The following PTH2R variants were observed in gnomAD, a reference collection of about 807,000 sequenced individuals.
PTH2R encodes the protein parathyroid hormone 2 receptor, also known as PTH2 receptor.
A neutral mutation model predicts 60.3 loss-of-function variants in PTH2R; 59 were observed. The observed-to-expected ratio is 0.98, with a 90% CI of 0.79 to 1.22. The LOEUF (loss-of-function observed/expected upper bound fraction) is 1.22, where lower values mean the gene tolerates loss of function less well. PTH2R is among the 50% of genes most tolerant of loss of function. PTH2R has a pLI of 0.00. For synonymous variants in PTH2R, 256 were observed against 243.8 expected (o/e 1.05, Z -0.47); for missense variants, 749 against 682.6 (o/e 1.10, Z -1.08).
intron 2 of PTH2R, among the ~76,000 whole-genome samples, chr2:208,434,838 G>C (rs929916906): frequency 1.3e-5 from 2 of 152,158 alleles, no homozygotes; most frequent in Non-Finnish European, 2.9e-5. Context: ...TAAATGAAAA[G>C]GAAAACATAC....
At chr2:208,447,196 C>A (rs575383681) in intron 7 of PTH2R, among the ~76,000 whole-genome samples, 11 of 151,888 alleles carry the variant, frequency 7.2e-5, no homozygotes, top group African/African-American at 2.7e-4. Context: ...GGTCTTGAAC[C>A]CCTGGCCTCA....
chr2:208,432,713 C>T (rs1401886401), intron 2 of PTH2R, among the ~76,000 whole-genome samples: 1 of 152,112 alleles, frequency 6.6e-6, no homozygotes, highest in Admixed American at 6.5e-5. Flanking sequence ...ACCTGAGAGC[C>T]CCCAGCAAAC....
chr2:208,363,177 C>G (rs1052586148), intron 1 of PTH2R, among the ~76,000 whole-genome samples: 5 of 152,038 alleles, frequency 3.3e-5, no homozygotes, highest in African/African-American at 1.2e-4. Context: ...TCCCCCTTCT[C>G]CCACCCTCCA....
chr2:208,385,616 G>T (rs1278438797), intron 1 of PTH2R, among the ~76,000 whole-genome samples: 4 of 152,150 alleles, frequency 2.6e-5, no homozygotes, highest in African/African-American at 9.7e-5. Context: ...TTCTATCCTG[G>T]ACTGTCATCT....
At chr2:208,450,121 A>T (rs1362570469) in intron 7 of PTH2R, among the ~76,000 whole-genome samples, 1 of 152,230 alleles carries the variant, frequency 6.6e-6, no homozygotes, top group Non-Finnish European at 1.5e-5. Flanking sequence ...TGATGTTACA[A>T]GCCCAGAAGG....
At chr2:208,371,477 C>G (rs762184081) in intron 1 of PTH2R, among the ~76,000 whole-genome samples, 4 of 152,148 alleles carry the variant, frequency 2.6e-5, no homozygotes, top group Non-Finnish European at 5.9e-5. Context: ...TGGGAAGTGA[C>G]TCCTTACAGA....
intron 1 of PTH2R, among the ~76,000 whole-genome samples, chr2:208,363,122 G>A (rs925350298): frequency 4.6e-5 from 7 of 151,894 alleles, no homozygotes; most frequent in Admixed American, 2.0e-4. Context: ...TTATTTGGTC[G>A]CCTAGGTAAA....
At chr2:208,416,102 G>A (rs534960116) in intron 1 of PTH2R, among the ~76,000 whole-genome samples, 45 of 152,210 alleles carry the variant, frequency 3.0e-4, no homozygotes, top group African/African-American at 1.0e-3. Flanking sequence ...TTTATCTGAG[G>A]AGTCAATGCT....
chr2:208,467,283 T>C (rs1357143403), intron 9 of PTH2R, among the ~76,000 whole-genome samples: 1 of 152,148 alleles, frequency 6.6e-6, no homozygotes, highest in Non-Finnish European at 1.5e-5. Flanking sequence ...TTCTTTTTTT[T>C]CCCCCTAGCT....
intron 9 of PTH2R, among the ~76,000 whole-genome samples, chr2:208,472,692 A>G (rs1166647878): frequency 6.6e-6 from 1 of 152,206 alleles, no homozygotes; most frequent in Non-Finnish European, 1.5e-5. Flanking sequence ...TGTCTTTATC[A>G]GCAGCATGTA....
chr2:208,480,521 T>C (rs1357698827), intron 9 of PTH2R, among the ~76,000 whole-genome samples: 1 of 152,176 alleles, frequency 6.6e-6, no homozygotes, highest in South Asian at 2.1e-4. Flanking sequence ...TCTCTAATGG[T>C]ATTCACACTT....
intron 1 of PTH2R, among the ~76,000 whole-genome samples, chr2:208,413,141 CCA>C (rs5838121): frequency 0.038 from 5,685 of 149,762 alleles, 171 homozygotes; most frequent in African/African-American, 0.08. Context: ...TAAAAAGTGA[CCA>C]CACACACACA....
intron 1 of PTH2R, among the ~76,000 whole-genome samples, chr2:208,384,001 C>T (rs1700962023): frequency 6.6e-6 from 1 of 152,124 alleles, no homozygotes. Context: ...AGTTATGACC[C>T]TTTGTGTAGA....
intron 1 of PTH2R, among the ~76,000 whole-genome samples, chr2:208,384,487 A>C (rs1700970066): frequency 6.6e-6 from 1 of 152,186 alleles, no homozygotes; most frequent in Admixed American, 6.5e-5. Context: ...AACCCCAAAC[A>C]CCTTACCATT....
intron 12 of PTH2R, among the ~76,000 whole-genome samples, chr2:208,492,429 A>C (rs1394563847): frequency 6.6e-6 from 1 of 152,192 alleles, no homozygotes; most frequent in African/African-American, 2.4e-5. Context: ...TAAAGGGAGA[A>C]TGAGGGAGGT....
chr2:208,445,284 G>C (rs745996185), intron 7 of PTH2R, among the ~76,000 whole-genome samples: 5 of 151,920 alleles, frequency 3.3e-5, no homozygotes, highest in African/African-American at 7.3e-5. Context: ...TGTATTTCTA[G>C]GTCATATGAT....
chr2:208,450,660 A>C (rs1574884778), intron 7 of PTH2R, 89 bp from the exon 8 acceptor site: 1 of 1,274,802 alleles, frequency 7.8e-7, no homozygotes, highest in East Asian at 2.3e-5. Context: ...TGAACAGCTA[A>C]TAGTATATTC....
intron 1 of PTH2R, among the ~76,000 whole-genome samples, chr2:208,411,897 T>G (rs1344355691): frequency 1.2e-4 from 19 of 152,234 alleles, no homozygotes; most frequent in Non-Finnish European, 1.5e-5. Context: ...TAAAGGTGCC[T>G]GATAACAAAA....
chr2:208,371,437 T>C (rs965658789), intron 1 of PTH2R, among the ~76,000 whole-genome samples: 3 of 152,134 alleles, frequency 2.0e-5, no homozygotes, highest in Non-Finnish European at 4.4e-5. Flanking sequence ...GAAGCCTCAG[T>C]TGGTATATAA....
Sources: allele counts gnomAD v4.1 joint callset (sites outside exome capture counted in the v4.1 genomes callset), GRCh38; gene constraint gnomAD v4.1.1; transcripts MANE v1.5; gene names NCBI Gene and HGNC (gene_info 2026-07-23, HGNC 2026-07-21).